Variants in MYO9B observed in about 807,000 individuals in gnomAD.
MYO9B encodes the protein myosin IXB, also known as unconventional myosin-IXb.
Under a neutral mutation model 229.5 loss-of-function variants are expected in MYO9B, and 71 were observed. That is an observed-to-expected ratio of 0.31 (90% CI 0.26 to 0.38). MYO9B has a LOEUF of 0.38. MYO9B is among the 10% of genes least tolerant of loss of function. The pLI is 1.00. For synonymous variants in MYO9B, 1,185 were observed against 1,235.8 expected, an observed-to-expected ratio of 0.96 and a Z score of 0.86; for missense variants, 2,255 against 2,920.5, an observed-to-expected ratio of 0.77 and a Z score of 5.25.
At chr19:17,194,036 G>T (rs2073013793) in intron 21 of MYO9B, among the ~76,000 whole-genome samples, 1 of 152,094 alleles carries the variant, frequency 6.6e-6, no homozygotes, top group Non-Finnish European at 1.5e-5. Flanking sequence ...GCCGGGCTTG[G>T]TGGTGCATGT....
At chr19:17,124,470 A>G (rs542776217) in intron 2 of MYO9B, among the ~76,000 whole-genome samples, 1 of 152,206 alleles carries the variant, frequency 6.6e-6, no homozygotes, top group Non-Finnish European at 1.5e-5. Flanking sequence ...AGCAACTCTT[A>G]GATGAAGAGA....
chr19:17,207,431 G>A (rs909859777), intron 35 of MYO9B, 187 bp downstream of exon 35: 25 of 665,848 alleles, frequency 3.8e-5, no homozygotes, highest in Middle Eastern at 2.9e-4. Flanking sequence ...CCAGGAGTTC[G>A]AGACCAGCCT....
chr19:17,195,312 G>A lies in MYO9B; in HGVS notation c.3885G>A (p.Thr1295=), dbSNP rs1001460492. ...AGCCCGACAGCCCCGGAGGCTCCAC[G>A]CAGATCCAGCGGTACCTGGACGCCG... ...QEKPDSPGGS[T]QIQRYLDAER... The change falls in exon 22 of 40, where the codon ACG becomes ACA. Residue 1295 remains threonine, a synonymous_variant. Coordinates refer to ENST00000682292, the MANE Select transcript of MYO9B (RefSeq NM_004145.4). This position sits in a 1 kb window ranked among gnomAD's most constrained non-coding sequence, Gnocchi z 4.5. The A allele has an allele frequency of 6.2e-7, 1 of 1,612,558 alleles. No homozygotes were observed. Among genetic ancestry groups the A allele is most frequent in the Non-Finnish European group, 8.5e-7 (1 of 1,179,728 alleles).
At chr19:17,191,038 T>C (rs2072978652) in intron 19 of MYO9B, 59 bp from the exon 20 acceptor site, 2 of 1,540,580 alleles carry the variant, frequency 1.3e-6, no homozygotes, top group South Asian at 2.3e-5. Flanking sequence ...GATCTCTGTC[T>C]CCTCATCGCT....
At chr19:17,161,752 G>A (rs914650653) in intron 8 of MYO9B, among the ~76,000 whole-genome samples, 3 of 152,024 alleles carry the variant, frequency 2.0e-5, no homozygotes, top group Non-Finnish European at 4.4e-5. Flanking sequence ...GGAGGGAGAG[G>A]TTGCAGTGAG....
chr19:17,138,997 G>A (rs1394277563), intron 2 of MYO9B, among the ~76,000 whole-genome samples: 5 of 152,002 alleles, frequency 3.3e-5, no homozygotes, highest in Non-Finnish European at 7.4e-5. Flanking sequence ...GAACTCTGGT[G>A]AAACCCTGTC....
At chr19:17,100,509 T>C (rs931456057) in intron 1 of MYO9B, among the ~76,000 whole-genome samples, 1 of 152,138 alleles carries the variant, frequency 6.6e-6, no homozygotes, top group African/African-American at 2.4e-5. Flanking sequence ...AAATTGGTAT[T>C]GGCAGACTGC....
At chr19:17,211,001 T>C (rs1485083906) in intron 38 of MYO9B, 153 bp downstream of exon 38, 1 of 812,146 alleles carries the variant, frequency 1.2e-6, no homozygotes, top group Admixed American at 3.0e-5. Flanking sequence ...TTTTTTTTTT[T>C]TGAGACGGCG....
intron 30 of MYO9B, among the ~76,000 whole-genome samples, chr19:17,204,680 C>A (rs1379337197): frequency 6.7e-6 from 1 of 150,150 alleles, no homozygotes; most frequent in Non-Finnish European, 1.5e-5. Context: ...CCCATCTATA[C>A]AAAAAAAAAT....
At chr19:17,174,957 A>T (rs139531637) in intron 13 of MYO9B, among the ~76,000 whole-genome samples, 9,422 of 151,362 alleles carry the variant, frequency 0.062, 389 homozygotes, top group Non-Finnish European at 0.093. Context: ...AATAAATAAT[A>T]AATTAATTAA....
At chr19:17,185,680 C>T (rs374991026) in intron 17 of MYO9B, among the ~76,000 whole-genome samples, 1 of 152,148 alleles carries the variant, frequency 6.6e-6, no homozygotes, top group East Asian at 1.9e-4. Context: ...GAGGCAAAAA[C>T]AAGCACTGGT....
intron 37 of MYO9B, 105 bp downstream of exon 37, chr19:17,210,485 A>C (rs2073214736): frequency 7.2e-7 from 1 of 1,385,244 alleles, no homozygotes; most frequent in East Asian, 2.5e-5. Flanking sequence ...AGCCTGTCCT[A>C]ACCTTCCGGA....
At chr19:17,114,989 T>A (rs1039439695) in intron 2 of MYO9B, among the ~76,000 whole-genome samples, 2 of 151,094 alleles carry the variant, frequency 1.3e-5, no homozygotes, top group African/African-American at 2.4e-5. Flanking sequence ...TTCTTAACTT[T>A]AAAAAAAATT....
intron 39 of MYO9B, 33 bp downstream of exon 39, chr19:17,211,807 TC>T (rs780141405): frequency 6.2e-7 from 1 of 1,611,738 alleles, no homozygotes; most frequent in African/African-American, 1.3e-5. Flanking sequence ...CTTTTCTCCT[TC>T]CCGTCCATCC....
At chr19:17,143,772 T>C (rs576032082) in intron 2 of MYO9B, among the ~76,000 whole-genome samples, 3 of 152,118 alleles carry the variant, frequency 2.0e-5, no homozygotes, top group African/African-American at 7.2e-5. Flanking sequence ...AATACAAAAA[T>C]TAGCTGGGCA....
At chr19:17,150,645 A>G (rs73010311) in intron 3 of MYO9B, among the ~76,000 whole-genome samples, 4,633 of 141,666 alleles carry the variant, frequency 0.033, 905 homozygotes, top group Non-Finnish European at 0.048. Context: ...CTGGTGCGAA[A>G]GGATCCCACC....
intron 5 of MYO9B, 73 bp from the exon 6 acceptor site, chr19:17,154,242 A>G: frequency 6.8e-7 from 1 of 1,471,866 alleles, no homozygotes; most frequent in East Asian, 2.3e-5. Flanking sequence ...CACCAGCTCC[A>G]GCCAAAATCA....
chr19:17,179,541 C>G (rs539085850), intron 14 of MYO9B, among the ~76,000 whole-genome samples: 1 of 150,548 alleles, frequency 6.6e-6, no homozygotes, highest in African/African-American at 2.4e-5. Flanking sequence ...ATTGTCGTGC[C>G]TCAGCCTCCG....
intron 18 of MYO9B, 75 bp downstream of exon 18, chr19:17,186,076 G>A (rs2072916458): frequency 1.5e-6 from 2 of 1,360,546 alleles, no homozygotes; most frequent in Non-Finnish European, 1.0e-6. Context: ...CCTGCATCCA[G>A]CCCCAGCCTC....
Sources: gnomAD v4.1 joint callset for allele counts (sites outside exome capture counted in the v4.1 genomes callset) on GRCh38, gnomAD v4.1.1 for gene constraint, Gnocchi (gnomAD v3.1) non-coding constraint, MANE v1.5 for transcripts, NCBI Gene and HGNC (gene_info 2026-07-23, HGNC 2026-07-21) for gene names.